IFNGR2: variants seen among roughly 807,000 people sequenced by gnomAD.
IFNGR2 encodes interferon gamma receptor 2.
In IFNGR2, 15 loss-of-function variants were observed where a neutral mutation model predicts 41.1. The ratio of observed to expected loss-of-function variants is 0.37; its 90% confidence interval spans 0.24 to 0.56. The LOEUF (loss-of-function observed/expected upper bound fraction) is 0.56. IFNGR2 is among the 20% of genes least tolerant of loss of function. IFNGR2 has a pLI of 0.81. For missense variants in IFNGR2, 362 were observed against 415.7 expected, an observed-to-expected ratio of 0.87 and a Z score of 1.12; for synonymous variants, 161 against 171.6, an observed-to-expected ratio of 0.94 and a Z score of 0.48.
intron 2 of IFNGR2, among the ~76,000 whole-genome samples, chr21:33,419,204 C>G (rs980474076): frequency 6.6e-6 from 1 of 152,152 alleles, no homozygotes; most frequent in Non-Finnish European, 1.5e-5. Context: ...CGCCTGGGTT[C>G]AAGTGATTGT....
chr21:33,417,973 G>A (rs1036680233), intron 2 of IFNGR2, among the ~76,000 whole-genome samples: 1 of 151,272 alleles, frequency 6.6e-6, no homozygotes, highest in East Asian at 1.9e-4. Flanking sequence ...TTTTCAAAAA[G>A]CATTTTATAG....
intron 4 of IFNGR2, among the ~76,000 whole-genome samples, chr21:33,431,736 A>T (rs2083889980): frequency 6.6e-6 from 1 of 152,054 alleles, no homozygotes; most frequent in African/African-American, 2.4e-5. Flanking sequence ...ACATCCAGCT[A>T]ATTTTTGTAC....
chr21:33,437,070 C>T lies in IFNGR2; in HGVS notation c.*108C>T, dbSNP rs1802586. On this transcript the variant is annotated 3_prime_UTR_variant, in exon 7 of 7. Coordinates refer to ENST00000290219, the MANE Select transcript of IFNGR2 (RefSeq NM_005534.4). ...AGACCAGTATTCCCTTTTGCTGCCT[C>T]TAAAAGGCCTGTCCCTGCAGACATG... 9.0e-7 allele frequency: 1 copy of T among 1,106,960 alleles called. No individual in the cohort carries two copies. Among genetic ancestry groups the T allele is most frequent in the Non-Finnish European group, 1.4e-6 (1 of 736,322 alleles). The allele number at this position is 1,106,960 out of a possible 1,614,324, so 68.6% of individuals were successfully genotyped here.
chr21:33,410,623 A>G (rs1209788867), intron 1 of IFNGR2, among the ~76,000 whole-genome samples: 1 of 151,542 alleles, frequency 6.6e-6, no homozygotes, highest in African/African-American at 2.4e-5. Flanking sequence ...GTGCACCACT[A>G]TGCCTGGCTA....
chr21:33,433,634 T>C (rs1305371956), intron 6 of IFNGR2, among the ~76,000 whole-genome samples: 1 of 151,998 alleles, frequency 6.6e-6, no homozygotes, highest in Non-Finnish European at 1.5e-5. Context: ...TCGTGTTGAA[T>C]GGGGCCAGAG....
At chr21:33,406,069 T>TG (rs1361644227) in intron 1 of IFNGR2, among the ~76,000 whole-genome samples, 1 of 150,560 alleles carries the variant, frequency 6.6e-6, no homozygotes, top group Non-Finnish European at 1.5e-5. Context: ...CTGGCTCCAT[T>TG]GATCCTTTGA....
At chr21:33,429,096 A>C (rs2123362382) in intron 4 of IFNGR2, among the ~76,000 whole-genome samples, 1 of 152,294 alleles carries the variant, frequency 6.6e-6, no homozygotes, top group East Asian at 1.9e-4. Context: ...CTCGTGTATA[A>C]AATGAAACAA....
chr21:33,430,437 TTTTA>T (rs1223690915), intron 4 of IFNGR2, among the ~76,000 whole-genome samples: 1 of 152,200 alleles, frequency 6.6e-6, no homozygotes, highest in African/African-American at 2.4e-5. Flanking sequence ...ACTTTTATAT[TTTTA>T]TTTTTTAATT....
chr21:33,423,859 CTAGG>C (rs1466082885), intron 3 of IFNGR2, among the ~76,000 whole-genome samples: 1 of 147,384 alleles, frequency 6.8e-6, no homozygotes, highest in Non-Finnish European at 1.5e-5. Context: ...GTGGTTTGTG[CTAGG>C]TACTGTGAGG....
intron 1 of IFNGR2, among the ~76,000 whole-genome samples, chr21:33,410,029 G>A (rs553627910): frequency 2.6e-5 from 4 of 152,128 alleles, no homozygotes; most frequent in South Asian, 4.1e-4. Context: ...TTTTATGGGC[G>A]AACATACCAG....
intron 1 of IFNGR2, among the ~76,000 whole-genome samples, chr21:33,404,010 C>A (rs960858432): frequency 6.6e-6 from 1 of 152,216 alleles, no homozygotes; most frequent in Non-Finnish European, 1.5e-5. Context: ...ACCTCGGCTG[C>A]GCCACCTCCC....
intron 4 of IFNGR2, among the ~76,000 whole-genome samples, chr21:33,429,182 G>GC: frequency 6.6e-6 from 1 of 152,166 alleles, no homozygotes; most frequent in East Asian, 1.9e-4. Flanking sequence ...TTTGACCAGA[G>GC]CATCTGTACT....
chr21:33,419,516 T>C (rs1361432691), intron 2 of IFNGR2, among the ~76,000 whole-genome samples: 2 of 151,868 alleles, frequency 1.3e-5, no homozygotes, highest in East Asian at 3.9e-4. Context: ...ACTTCTGGGG[T>C]CTATTTCCTT....
intron 4 of IFNGR2, among the ~76,000 whole-genome samples, chr21:33,430,475 C>T (rs1568962175): frequency 6.6e-6 from 1 of 152,170 alleles, no homozygotes; most frequent in South Asian, 2.1e-4. Flanking sequence ...GACAATTTCA[C>T]TCTGTCACCC....
At chr21:33,419,441 C>T (rs1166725155) in intron 2 of IFNGR2, among the ~76,000 whole-genome samples, 2 of 149,286 alleles carry the variant, frequency 1.3e-5, no homozygotes, top group African/African-American at 2.4e-5. Context: ...TTTCTAAATT[C>T]GTTCTCTTGT....
intron 3 of IFNGR2, among the ~76,000 whole-genome samples, chr21:33,423,982 A>AT (rs1206690860): frequency 6.6e-6 from 1 of 152,048 alleles, no homozygotes; most frequent in Non-Finnish European, 1.5e-5. Flanking sequence ...AAAGTGTCAA[A>AT]TAAGTGGGAA....
chr21:33,432,612 C>T lies in IFNGR2; in HGVS notation c.722-102C>T, dbSNP rs2083899999. 7 of 1,324,996 alleles carry T rather than the reference C, an allele frequency of 5.3e-6. 1 individual carries two copies. In the South Asian group the frequency reaches 8.2e-5, roughly 16 times the overall value. The allele number at this position is 1,324,996 out of a possible 1,614,324, so 82.1% of individuals were successfully genotyped here. A position where few individuals can be genotyped will look rare whatever the true frequency, so the allele number is the denominator to read the frequency against. ...GGGGTAGAGGGACTTGCCCATTTTA[C>T]TAGGACAGGAATGCTCTTTAAGCAG... On this transcript the variant is annotated intron_variant, in intron 5 of 6. Coordinates refer to ENST00000290219, the MANE Select transcript of IFNGR2 (RefSeq NM_005534.4).
At chr21:33,436,538 CAT>C (rs2083953000) in intron 6 of IFNGR2, among the ~76,000 whole-genome samples, 1 of 151,964 alleles carries the variant, frequency 6.6e-6, no homozygotes, top group African/African-American at 2.4e-5. Context: ...GCGTGGCCAA[CAT>C]AGTGAAACCC....
At chr21:33,411,642 A>C in intron 1 of IFNGR2, 1 of 387,940 alleles carries the variant, frequency 2.6e-6, no homozygotes, top group Non-Finnish European at 5.4e-6. Context: ...TTATACCACC[A>C]CAGGGTCCCC....
Sources: allele counts gnomAD v4.1 joint callset (sites outside exome capture counted in the v4.1 genomes callset), GRCh38; gene constraint gnomAD v4.1.1; transcripts MANE v1.5; gene names NCBI Gene and HGNC (gene_info 2026-07-23, HGNC 2026-07-21).